Variants in NDEL1 observed in about 807,000 individuals in gnomAD.
The protein encoded by NDEL1 is nuclear distribution protein nudE-like 1.
In NDEL1, 9 loss-of-function variants were observed where a neutral mutation model predicts 45.7. That is an observed-to-expected ratio of 0.20 (90% CI 0.12 to 0.34). The LOEUF is 0.34. NDEL1 is among the 10% of genes least tolerant of loss of function. NDEL1 has a pLI of 1.00. For synonymous variants in NDEL1, 133 were observed against 158.6 expected, an observed-to-expected ratio of 0.84 and a Z score of 1.21; for missense variants, 306 against 406.2, an observed-to-expected ratio of 0.75 and a Z score of 2.12.
chr17:8,460,657 A>C (rs1911139863), intron 8 of NDEL1, among the ~76,000 whole-genome samples: 2 of 152,234 alleles, frequency 1.3e-5, no homozygotes, highest in Admixed American at 1.3e-4. Flanking sequence ...AGATTGAAAT[A>C]AAATTGTTTT....
intron 1 of NDEL1, among the ~76,000 whole-genome samples, chr17:8,415,742 T>C (rs1908532886): frequency 6.6e-6 from 1 of 151,438 alleles, no homozygotes; most frequent in Admixed American, 6.6e-5. Context: ...GCCTTGCCCA[T>C]TTTACATTTT....
At chr17:8,441,055 T>G (rs1416136876) in intron 1 of NDEL1, among the ~76,000 whole-genome samples, 3 of 152,172 alleles carry the variant, frequency 2.0e-5, no homozygotes, top group African/African-American at 7.2e-5. Flanking sequence ...TACCGGTTCA[T>G]GGGCCACACT....
At chr17:8,472,161 G>A (rs890021801), downstream of NDEL1, among the ~76,000 whole-genome samples, 6 of 152,172 alleles carry the variant, frequency 3.9e-5, no homozygotes, top group East Asian at 1.9e-4. Flanking sequence ...CAGCAGCACC[G>A]GCCTCTGGGG....
chr17:8,432,817 CT>C (rs1464609305), upstream of NDEL1, among the ~76,000 whole-genome samples: 1 of 152,260 alleles, frequency 6.6e-6, no homozygotes, highest in Non-Finnish European at 1.5e-5. Flanking sequence ...TGAGCAGGAA[CT>C]TTATCATGGT....
chr17:8,451,568 A>T (rs907415004), intron 6 of NDEL1, among the ~76,000 whole-genome samples: 3 of 152,178 alleles, frequency 2.0e-5, no homozygotes, highest in African/African-American at 7.2e-5. Context: ...CCATTTTCAA[A>T]AGCATTGTTC....
chr17:8,417,400 A>G (rs148671326), intron 1 of NDEL1, among the ~76,000 whole-genome samples: 105 of 152,126 alleles, frequency 6.9e-4, no homozygotes, highest in Non-Finnish European at 1.2e-3. Context: ...GAACCTATGG[A>G]TTATATTGAA....
At chr17:8,447,722 G>A (rs1484226911) in intron 4 of NDEL1, among the ~76,000 whole-genome samples, 2 of 152,124 alleles carry the variant, frequency 1.3e-5, no homozygotes, top group Non-Finnish European at 2.9e-5. Context: ...TGTGTAATTA[G>A]TTGTTTCTTA....
intron 1 of NDEL1, among the ~76,000 whole-genome samples, chr17:8,421,044 T>C (rs1032074441): frequency 6.6e-6 from 1 of 152,212 alleles, no homozygotes; most frequent in Non-Finnish European, 1.5e-5. Flanking sequence ...ATTTCAATAG[T>C]TAGGTATTTA....
intron 5 of NDEL1, among the ~76,000 whole-genome samples, chr17:8,449,998 A>G (rs1403223465): frequency 1.3e-5 from 2 of 152,152 alleles, no homozygotes; most frequent in Admixed American, 1.3e-4. Context: ...AAAACTCGAC[A>G]TTGGCTGGGT....
chr17:8,416,069 A>G (rs1908540825), intron 1 of NDEL1, among the ~76,000 whole-genome samples: 1 of 152,114 alleles, frequency 6.6e-6, no homozygotes, highest in Non-Finnish European at 1.5e-5. Flanking sequence ...TTTTAAGCGT[A>G]CAGTTCAGTG....
At chr17:8,454,687 T>C in intron 6 of NDEL1, 109 bp from the exon 7 acceptor site, 1 of 737,966 alleles carries the variant, frequency 1.4e-6, no homozygotes, top group South Asian at 1.7e-5. Context: ...TAGTTTGAAG[T>C]AGTTTGTTGA....
intron 2 of NDEL1, 120 bp from the exon 3 acceptor site, chr17:8,445,591 G>A (rs1910030701): frequency 9.9e-7 from 1 of 1,012,362 alleles, no homozygotes. Flanking sequence ...ATTGTCTTTA[G>A]TATATTTTAT....
intron 1 of NDEL1, among the ~76,000 whole-genome samples, chr17:8,430,000 A>C (rs1354000552): frequency 6.6e-6 from 1 of 152,134 alleles, no homozygotes; most frequent in Admixed American, 6.5e-5. Context: ...TAGGAAGGGA[A>C]AGTCTTTGGG....
At chr17:8,439,301 G>A (rs1191083487) in intron 1 of NDEL1, among the ~76,000 whole-genome samples, 1 of 146,380 alleles carries the variant, frequency 6.8e-6, no homozygotes, top group African/African-American at 2.6e-5. Context: ...GAGTGCAGTG[G>A]CCAATCTCGG....
rs892021967 is a variant in NDEL1 at position 8,460,281 on chromosome 17, T to C, written c.944+121T>C. On this transcript the variant is annotated intron_variant, in intron 8 of 8. Transcript: ENST00000334527. ...TGACAAACCTTCCCGAAGCCTGTTA[T>C]CATTCTAATCTTAGGTGACATGACG... The C allele has an allele frequency of 4.7e-6, 5 of 1,063,596 alleles. No homozygotes were observed. In the African/African-American group the frequency reaches 6.5e-5, roughly 14 times the overall value. 65.9% of individuals were successfully genotyped at this position (1,063,596 alleles called of 1,614,324 possible).
At chr17:8,459,949 C>T in intron 7 of NDEL1, 60 bp from the exon 8 acceptor site, 1 of 1,536,302 alleles carries the variant, frequency 6.5e-7, no homozygotes. Flanking sequence ...GTTTGAAATG[C>T]AAATTTTTAT....
intron 6 of NDEL1, among the ~76,000 whole-genome samples, chr17:8,453,595 G>A (rs551507403): frequency 5.5e-4 from 83 of 152,276 alleles, no homozygotes; most frequent in African/African-American, 2.0e-3. Context: ...CTTACTGAGT[G>A]TGGAAGAAGA....
rs571655209 is a variant in NDEL1, at chr17:8,467,092, G to A, written c.*69G>A. On this transcript the variant is annotated 3_prime_UTR_variant, in exon 9 of 9. Coordinates refer to ENST00000334527, the MANE Select transcript of NDEL1 (RefSeq NM_030808.5). The surrounding 1 kb of genome is among the most constrained non-coding windows in gnomAD (Gnocchi z 6.3). The stretch of plus-strand genomic sequence containing the variant: ...CCAGGACACCCACGCCTCACCCCTC[G>A]GTGCCTGGGCCCAGCCCCGTGCCCC... 1.5e-3 allele frequency: 2,291 copies of A among 1,509,114 alleles called. 3 individuals carry two copies. Among genetic ancestry groups the A allele is most frequent in the Non-Finnish European group, 2.0e-3 (2,163 of 1,091,590 alleles). 93.5% of individuals were successfully genotyped at this position (1,509,114 alleles called of 1,614,324 possible). A position where few individuals can be genotyped will look rare whatever the true frequency, so the allele number is the denominator to read the frequency against.
intron 6 of NDEL1, among the ~76,000 whole-genome samples, chr17:8,452,130 A>G (rs577730580): frequency 6.6e-6 from 1 of 152,224 alleles, no homozygotes; most frequent in South Asian, 2.1e-4. Flanking sequence ...AAGGGCAGGC[A>G]ATAGATTATT....
Sources: gnomAD v4.1 joint callset for allele counts (sites outside exome capture counted in the v4.1 genomes callset) on GRCh38, gnomAD v4.1.1 for gene constraint, Gnocchi (gnomAD v3.1) non-coding constraint, MANE v1.5 for transcripts, NCBI Gene and HGNC (gene_info 2026-07-23, HGNC 2026-07-21) for gene names.